The following TBC1D16 variants were observed in gnomAD, a reference collection of about 807,000 sequenced individuals.
TBC1D16 encodes CTD-2529O21.1.
In TBC1D16, 58 loss-of-function variants were observed where a neutral mutation model predicts 74.7. The ratio of observed to expected loss-of-function variants is 0.78; its 90% CI spans 0.63 to 0.97. The LOEUF is 0.97. Among genes scored for constraint, TBC1D16 ranks in the 50% least tolerant of loss-of-function variants. The pLI, the probability that TBC1D16 is intolerant of heterozygous loss-of-function variation, is 0.00. For missense variants in TBC1D16, 1,014 were observed against 1,079.5 expected (o/e 0.94, Z 0.85); for synonymous variants, 493 against 474.7 (o/e 1.04, Z -0.50).
chr17:80,019,444 C>CT (rs201736912), intron 1 of TBC1D16, among the ~76,000 whole-genome samples: 4 of 143,680 alleles, frequency 2.8e-5, no homozygotes, highest in Admixed American at 6.8e-5. Context: ...GGACAACCCC[C>CT]CCCCGCCCCT....
chr17:80,017,979 G>C (rs533977518), intron 1 of TBC1D16, among the ~76,000 whole-genome samples: 2 of 152,150 alleles, frequency 1.3e-5, no homozygotes, highest in East Asian at 1.9e-4. Flanking sequence ...AAAACATATT[G>C]TCCTTCCCAA....
chr17:79,970,298 C>G (rs1181396480), intron 3 of TBC1D16, among the ~76,000 whole-genome samples: 1 of 152,136 alleles, frequency 6.6e-6, no homozygotes, highest in Non-Finnish European at 1.5e-5. Context: ...TGGGCTGTGA[C>G]TGCTAGAGTA....
At chr17:80,013,851 G>A (rs1043041647) in intron 1 of TBC1D16, among the ~76,000 whole-genome samples, 15 of 152,114 alleles carry the variant, frequency 9.9e-5, no homozygotes, top group African/African-American at 3.6e-4. Flanking sequence ...TCCCTTCCCA[G>A]TACGAAAACT....
rs2036956280 is a variant in TBC1D16 at position 80,035,526 on chromosome 17, G to A, written c.-63+269C>T. On this transcript the variant is annotated intron_variant, in intron 1 of 11. Transcript: ENST00000310924. The surrounding 1 kb of genome is among the most constrained non-coding windows in gnomAD (Gnocchi z 5.3). ...TCTCCCCGAATTAGGCCCATTCCGG[G>A]CCCGGGCGCCCTCACTCGCCGCGGG... 6.6e-6 allele frequency among the ~76,000 whole-genome samples: 1 copy of A among 151,996 alleles called. No individual in the cohort carries two copies. Among genetic ancestry groups the A allele is most frequent in the South Asian group, 2.1e-4 (1 of 4,832 alleles).
intron 3 of TBC1D16, among the ~76,000 whole-genome samples, chr17:79,958,460 C>T (rs909666599): frequency 3.9e-5 from 6 of 152,278 alleles, no homozygotes; most frequent in Non-Finnish European, 5.9e-5. Flanking sequence ...CCTCGTGATC[C>T]GCCTGCCTCA....
rs779636516 is a variant in TBC1D16, at chr17:79,949,687, G to A, written c.1406+30C>T. 3 of 1,583,974 alleles carry A rather than the reference G, an allele frequency of 1.9e-6. No homozygotes were observed. In the South Asian group the frequency reaches 3.3e-5, roughly 18 times the overall value. ...ATGACATTTTCCTCCGCGGCTCGGCGGGGTGGGCCGGGCTGGCCCCGGCGG... is the reference window on the plus strand; with the variant it reads ...ATGACATTTTCCTCCGCGGCTCGGCAGGGTGGGCCGGGCTGGCCCCGGCGG... On this transcript the variant is annotated intron_variant, in intron 7 of 11. Transcript: ENST00000310924.
At chr17:80,005,206 A>G (rs1296138069) in intron 3 of TBC1D16, among the ~76,000 whole-genome samples, 2 of 152,122 alleles carry the variant, frequency 1.3e-5, no homozygotes, top group Non-Finnish European at 2.9e-5. Context: ...CAGCCTCCGG[A>G]GTAGCAGCTT....
intron 7 of TBC1D16, among the ~76,000 whole-genome samples, 167 bp from the exon 8 acceptor site, chr17:79,949,173 C>T (rs66505868): frequency 0.18 from 26,918 of 152,234 alleles, 2,861 homozygotes; most frequent in East Asian, 0.5. Flanking sequence ...GGATGGGTGG[C>T]GTGTATCCAA....
Position 79,990,993 on chromosome 17 carries a change from C to T in TBC1D16, c.779+19167G>A, listed in dbSNP as rs1325027091. ...AACACACCGCGTTTCTCTAGTCACC[C>T]GTCGGGGGAACTTGGACGCTTTCAC... On this transcript the variant is annotated intron_variant, in intron 3 of 11. Coordinates refer to ENST00000310924, the MANE Select transcript of TBC1D16 (RefSeq NM_019020.4). The surrounding 1 kb of genome is among the most constrained non-coding windows in gnomAD (Gnocchi z 4.8). 6.6e-6 allele frequency among the ~76,000 whole-genome samples: 1 copy of T among 152,234 alleles called. No homozygotes were observed. The highest frequency in any genetic ancestry group is 1.5e-5 in the Non-Finnish European group (1 of 68,050).
chr17:79,957,778 G>A (rs552047880), intron 3 of TBC1D16, among the ~76,000 whole-genome samples: 2 of 151,786 alleles, frequency 1.3e-5, no homozygotes, highest in South Asian at 4.2e-4. Context: ...TGGTGGGGGA[G>A]GGGGTGGATG....
chr17:79,946,124 C>T (rs762388508), intron 9 of TBC1D16, among the ~76,000 whole-genome samples: 3 of 152,224 alleles, frequency 2.0e-5, no homozygotes, highest in East Asian at 1.9e-4. Flanking sequence ...CTGTCATCAG[C>T]GACCCACTAA....
intron 3 of TBC1D16, among the ~76,000 whole-genome samples, chr17:79,962,201 ATTTTTTTTTT>A (rs563506473): frequency 9.4e-4 from 61 of 64,996 alleles, no homozygotes; most frequent in African/African-American, 2.3e-3. Context: ...ATCTCAACCT[ATTTTTTTTTT>A]TTTTTTTTTT....
chr17:79,982,380 G>A (rs1244975525), intron 3 of TBC1D16, among the ~76,000 whole-genome samples: 7 of 151,164 alleles, frequency 4.6e-5, no homozygotes, highest in South Asian at 2.1e-4. Flanking sequence ...TCCTGACCTC[G>A]TGATCCACCC....
rs149115835 is a variant in TBC1D16 at position 79,983,811 on chromosome 17, T to C, written c.779+26349A>G. 2.9e-3 allele frequency among the ~76,000 whole-genome samples: 444 copies of C among 152,264 alleles called. 1 individual carries two copies. Among genetic ancestry groups the C allele is most frequent in the African/African-American group, 0.01 (427 of 41,552 alleles). ...GGGGTTCATTTATGATTGTGTTTCA[T>C]GGTTTACATGCTACAAATATTCTTT... On this transcript the variant is annotated intron_variant, in intron 3 of 11. Transcript: ENST00000310924. This position sits in a 1 kb window ranked among gnomAD's most constrained non-coding sequence, Gnocchi z 5.6.
In TBC1D16 at chr17:79,961,067, G is replaced by T. The variant is rs1427269967; in HGVS notation, c.780-8249C>A. On this transcript the variant is annotated intron_variant, in intron 3 of 11. Coordinates refer to ENST00000310924, the MANE Select transcript of TBC1D16 (RefSeq NM_019020.4). This position sits in a 1 kb window ranked among gnomAD's most constrained non-coding sequence, Gnocchi z 4.8. ...TTCATCATTGCAGAAAACAGGAAAT[G>T]ACACAAACGTCTTTCAGCTGGTGAA... Among the ~76,000 whole-genome samples, 1 of 152,192 alleles carries T rather than the reference G, an allele frequency of 6.6e-6. No individual in the cohort carries two copies. Among genetic ancestry groups the T allele is most frequent in the African/African-American group, 2.4e-5 (1 of 41,446 alleles).
chr17:79,940,597 TGCGTCTCAGGTGCGGTGGCTGC>T lies in TBC1D16; in HGVS notation c.*240_*261del, dbSNP rs980274442. The T allele has an allele frequency of 1.1e-4, 40 of 354,290 alleles. No individual in the cohort carries two copies. The highest frequency in any genetic ancestry group is 1.7e-4 in the Non-Finnish European group (34 of 198,902). The allele number at this position is 354,290 out of a possible 1,614,324, so 21.9% of individuals were successfully genotyped here. A position where few individuals can be genotyped will look rare whatever the true frequency, so the allele number is the denominator to read the frequency against. On this transcript the variant is annotated 3_prime_UTR_variant, in exon 12 of 12. Coordinates refer to ENST00000310924, the MANE Select transcript of TBC1D16 (RefSeq NM_019020.4). This position sits in a 1 kb window ranked among gnomAD's most constrained non-coding sequence, Gnocchi z 5.4. ...AGCCAGCAGGAGAGCCCAGCCAGCCTGCGTCTCAGGTGCGGTGGCTGCGCGTTCCACTGCAGCGTTTCAGGAG... is the reference window on the plus strand; with the variant it reads ...AGCCAGCAGGAGAGCCCAGCCAGCCTGCGTTCCACTGCAGCGTTTCAGGAG...
intron 3 of TBC1D16, among the ~76,000 whole-genome samples, chr17:79,982,941 T>C (rs1414533300): frequency 1.3e-5 from 2 of 152,324 alleles, no homozygotes; most frequent in East Asian, 1.9e-4. Context: ...AATATGACAT[T>C]GAACTTCTTT....
At chr17:79,947,896 C>T (rs1458471703) in intron 8 of TBC1D16, 65 bp from the exon 9 acceptor site, 6 of 1,419,766 alleles carry the variant, frequency 4.2e-6, no homozygotes, top group Non-Finnish European at 4.9e-6. Context: ...GCCCAGCCTG[C>T]AGAACCCTGG....
In TBC1D16 at chr17:80,000,816, C is replaced by T. The variant is rs994876503; in HGVS notation, c.779+9344G>A. ...CAACACCGTCCAAGGCCACCCCCTG[C>T]GGGTCTTGAGTGGAGCTTGGATTCA... On this transcript the variant is annotated intron_variant, in intron 3 of 11. Coordinates refer to ENST00000310924, the MANE Select transcript of TBC1D16 (RefSeq NM_019020.4). The surrounding 1 kb of genome is among the most constrained non-coding windows in gnomAD (Gnocchi z 4.1). Among the ~76,000 whole-genome samples, 3 of 152,206 alleles carry T rather than the reference C, an allele frequency of 2.0e-5. No individual in the cohort carries two copies. Among genetic ancestry groups the T allele is most frequent in the African/African-American group, 7.2e-5 (3 of 41,452 alleles).
Sources: gnomAD v4.1 joint callset for allele counts (sites outside exome capture counted in the v4.1 genomes callset) on GRCh38, gnomAD v4.1.1 for gene constraint, Gnocchi (gnomAD v3.1) non-coding constraint, MANE v1.5 for transcripts, NCBI Gene and HGNC (gene_info 2026-07-23, HGNC 2026-07-21) for gene names.